The following CACNB2 variants were observed in gnomAD, a reference collection of about 807,000 sequenced individuals.
CACNB2 encodes the protein voltage-dependent L-type calcium channel subunit beta-2.
CACNB2 carries 42 observed loss-of-function variants against 73.3 expected under a neutral mutation model. The ratio of observed to expected loss-of-function variants is 0.57; its 90% CI spans 0.45 to 0.74. The LOEUF is 0.74. CACNB2 is among the 30% of genes least tolerant of loss of function. The pLI is 0.00. For synonymous variants in CACNB2, 348 were observed against 310.3 expected (o/e 1.12, Z -1.28); for missense variants, 940 against 853.0 (o/e 1.10, Z -1.27).
chr10:18,150,530 G>A (rs1030754792), intron 1 of CACNB2, among the ~76,000 whole-genome samples: 3 of 152,186 alleles, frequency 2.0e-5, no homozygotes, highest in Non-Finnish European at 4.4e-5. Context: ...AGACGTGGTG[G>A]CACATGCTTG....
intron 2 of CACNB2, among the ~76,000 whole-genome samples, chr10:18,279,578 T>C (rs2038450774): frequency 6.6e-6 from 1 of 152,250 alleles, no homozygotes; most frequent in Non-Finnish European, 1.5e-5. Flanking sequence ...ATGATAAATA[T>C]AGTTTTTGCC....
chr10:18,150,557 G>A (rs755277482), intron 1 of CACNB2, among the ~76,000 whole-genome samples: 1 of 152,208 alleles, frequency 6.6e-6, no homozygotes, highest in Non-Finnish European at 1.5e-5. Context: ...CAGCTATGCG[G>A]GAGGCTGAGG....
intron 3 of CACNB2, among the ~76,000 whole-genome samples, chr10:18,445,571 A>G (rs2046691820): frequency 6.6e-6 from 1 of 150,686 alleles, no homozygotes; most frequent in African/African-American, 2.4e-5. Context: ...TCTCTAAGCA[A>G]GATGTGCATG....
At chr10:18,326,040 C>A (rs1171693034) in intron 2 of CACNB2, among the ~76,000 whole-genome samples, 1 of 152,088 alleles carries the variant, frequency 6.6e-6, no homozygotes, top group Non-Finnish European at 1.5e-5. Context: ...CTAGCTGAAA[C>A]CTATTTTTTC....
chr10:18,513,501 AAAGCTTC>A, intron 6 of CACNB2: 1 of 314,618 alleles, frequency 3.2e-6, no homozygotes, highest in South Asian at 3.1e-5. Context: ...TCTCCTTTGC[AAAGCTTC>A]GTGAACCACC....
intron 2 of CACNB2, among the ~76,000 whole-genome samples, chr10:18,184,440 A>G (rs528301850): frequency 1.4e-4 from 21 of 152,288 alleles, no homozygotes; most frequent in African/African-American, 5.1e-4. Flanking sequence ...TTCCCCTATT[A>G]TTAACATCTT....
At chr10:18,387,734 A>G (rs1047053235) in intron 2 of CACNB2, among the ~76,000 whole-genome samples, 15 of 151,364 alleles carry the variant, frequency 9.9e-5, no homozygotes, top group Non-Finnish European at 1.5e-4. Context: ...AGCTGTCAGC[A>G]TAGTCACCGA....
In CACNB2 at chr10:18,411,996, T is replaced by G. The variant is rs1335486374; in HGVS notation, c.333+9953T>G. Reference sequence around the variant, plus strand: ...CTCTGCCACACATCCCTGGCCAGCTTTCTGGTTAGTTGGTGACCAGGTGAC... The same window carrying G: ...CTCTGCCACACATCCCTGGCCAGCTGTCTGGTTAGTTGGTGACCAGGTGAC... On this transcript the variant is annotated intron_variant, in intron 3 of 13. Coordinates refer to ENST00000324631, the MANE Select transcript of CACNB2 (RefSeq NM_201596.3). Among the ~76,000 whole-genome samples, 3 of 152,162 alleles carry G rather than the reference T, an allele frequency of 2.0e-5. No homozygotes were observed. The East Asian group carries it at 5.8e-4, about 29-fold the overall frequency.
intron 3 of CACNB2, among the ~76,000 whole-genome samples, chr10:18,403,872 C>CAA (rs202131404): frequency 3.7e-5 from 4 of 107,650 alleles, no homozygotes; most frequent in African/African-American, 1.0e-4. Flanking sequence ...AATGGGTACC[C>CAA]AAAAAAAAAA....
chr10:18,261,684 A>G (rs928529791), intron 2 of CACNB2, among the ~76,000 whole-genome samples: 8 of 152,238 alleles, frequency 5.3e-5, no homozygotes, highest in African/African-American at 1.9e-4. Context: ...GGTGGGGGGA[A>G]GAAATACCAC....
intron 2 of CACNB2, among the ~76,000 whole-genome samples, chr10:18,299,356 A>G (rs11013421): frequency 0.2 from 30,441 of 152,060 alleles, 3,084 homozygotes; most frequent in Middle Eastern, 0.28. Flanking sequence ...GGCCTGGGAA[A>G]GTGTGAGTTT....
chr10:18,209,929 G>T (rs12359899), intron 2 of CACNB2, among the ~76,000 whole-genome samples: 1 of 152,122 alleles, frequency 6.6e-6, no homozygotes, highest in Non-Finnish European at 1.5e-5. Context: ...ACTACCAAAA[G>T]CTCCTTGGTG....
intron 7 of CACNB2, chr10:18,514,583 A>G (rs2133129711): frequency 6.4e-7 from 1 of 1,573,806 alleles, no homozygotes; most frequent in Non-Finnish European, 8.7e-7. Flanking sequence ...CATCATTAGC[A>G]TTAATTCCCA....
chr10:18,375,934 A>C (rs1019301203), intron 2 of CACNB2, among the ~76,000 whole-genome samples: 16 of 152,230 alleles, frequency 1.1e-4, no homozygotes, highest in African/African-American at 3.9e-4. Context: ...GAACAGATGG[A>C]GGTTGCTCAA....
chr10:18,510,819 T>A (rs1315230488), intron 6 of CACNB2, among the ~76,000 whole-genome samples: 1 of 152,206 alleles, frequency 6.6e-6, no homozygotes, highest in Non-Finnish European at 1.5e-5. Context: ...AGATAAAACC[T>A]GTGGGAATTT....
intron 2 of CACNB2, among the ~76,000 whole-genome samples, chr10:18,171,531 A>G (rs2033234732): frequency 1.4e-5 from 2 of 142,186 alleles, no homozygotes; most frequent in Non-Finnish European, 3.0e-5. Flanking sequence ...GAAAAAAAAA[A>G]AAAAAAAAAA....
At chr10:18,328,366 T>A (rs1327264154) in intron 2 of CACNB2, among the ~76,000 whole-genome samples, 1 of 152,172 alleles carries the variant, frequency 6.6e-6, no homozygotes, top group Middle Eastern at 3.2e-3. Context: ...TCCCTGTGAT[T>A]CCACTTTGCA....
chr10:18,261,317 T>C (rs1176944907), intron 2 of CACNB2: 3 of 1,551,562 alleles, frequency 1.9e-6, no homozygotes, highest in Non-Finnish European at 2.6e-6. Context: ...GGGTGTCCTA[T>C]GTAAGTTTCT....
intron 3 of CACNB2, among the ~76,000 whole-genome samples, chr10:18,438,082 A>G (rs547107568): frequency 6.0e-5 from 7 of 117,216 alleles, no homozygotes; most frequent in African/African-American, 2.4e-4. Context: ...CAGTGGCGCT[A>G]TCTCGGTTTA....
Sources: allele counts gnomAD v4.1 joint callset (sites outside exome capture counted in the v4.1 genomes callset), GRCh38; gene constraint gnomAD v4.1.1; transcripts MANE v1.5; gene names NCBI Gene and HGNC (gene_info 2026-07-23, HGNC 2026-07-21).